INVS: variants seen among roughly 807,000 people sequenced by gnomAD.
INVS encodes the protein inversin, also known as inversion of embryo turning homolog.
In INVS, 86 loss-of-function variants were observed where a neutral mutation model predicts 108.8. The ratio of observed to expected loss-of-function variants is 0.79; its 90% confidence interval spans 0.66 to 0.95. INVS has a LOEUF of 0.95. INVS is among the 40% of genes least tolerant of loss of function. The probability of loss-of-function intolerance (pLI) is 0.00; values close to 1 mark genes in which losing one functional copy is unlikely to be tolerated. For missense variants in INVS, 1,169 were observed against 1,297.4 expected (o/e 0.90, Z 1.52); for synonymous variants, 455 against 473.5 (o/e 0.96, Z 0.51).
chr9:100,142,052 G>A (rs1197070897), intron 3 of INVS, among the ~76,000 whole-genome samples: 1 of 152,210 alleles, frequency 6.6e-6, no homozygotes, highest in Non-Finnish European at 1.5e-5. Flanking sequence ...TGCTTGTCTA[G>A]CCACCTAATC....
In INVS at chr9:100,171,471, C is replaced by T. The variant is rs190021737; in HGVS notation, c.273+44922C>T. On this transcript the variant is annotated intron_variant, in intron 3 of 16. Coordinates refer to ENST00000262457, the MANE Select transcript of INVS (RefSeq NM_014425.5). The stretch of plus-strand genomic sequence containing the variant: ...TGATACATTTTGCAGAACATATTCC[C>T]ATTGTTAAGCAACATATGACTATAG... Among the ~76,000 whole-genome samples the T allele has an allele frequency of 1.3e-3, 202 of 152,172 alleles. 1 individual carries two copies. The highest frequency in any genetic ancestry group is 9.6e-4 in the Non-Finnish European group (65 of 68,000).
At chr9:100,227,941 T>TA (rs1564166667) in intron 4 of INVS, among the ~76,000 whole-genome samples, 3 of 152,094 alleles carry the variant, frequency 2.0e-5, no homozygotes, top group African/African-American at 7.2e-5. Flanking sequence ...TACACATAGT[T>TA]TAGCAATGCC....
intron 3 of INVS, among the ~76,000 whole-genome samples, chr9:100,173,944 T>A (rs1375359040): frequency 2.0e-5 from 3 of 152,140 alleles, no homozygotes; most frequent in Non-Finnish European, 4.4e-5. Context: ...TAATTTAGAG[T>A]TTGGGTTCAG....
chr9:100,121,030 C>T (rs909394046), intron 2 of INVS: 1 of 152,168 alleles, frequency 6.6e-6, no homozygotes, highest in African/African-American at 2.4e-5. Context: ...AAAACCTAAA[C>T]TCCAACAAAT....
chr9:100,263,908 ACTGCTCTTTTGT>A, intron 10 of INVS, among the ~76,000 whole-genome samples: 1 of 152,242 alleles, frequency 6.6e-6, no homozygotes, highest in Admixed American at 6.5e-5. Flanking sequence ...ATATATCTTT[ACTGCTCTTTTGT>A]CTGCTCTATC....
At chr9:100,176,806 T>C (rs1415158935) in intron 3 of INVS, among the ~76,000 whole-genome samples, 1 of 152,028 alleles carries the variant, frequency 6.6e-6, no homozygotes, top group Non-Finnish European at 1.5e-5. Context: ...ATTATTAAGG[T>C]GAAGGATTAA....
intron 3 of INVS, among the ~76,000 whole-genome samples, chr9:100,133,734 C>T (rs144278055): frequency 3.8e-4 from 56 of 146,694 alleles, no homozygotes; most frequent in African/African-American, 1.4e-3. Flanking sequence ...CATTCACTCT[C>T]GCAAACTATC....
intron 3 of INVS, among the ~76,000 whole-genome samples, chr9:100,164,324 C>A (rs915902994): frequency 6.6e-6 from 1 of 151,896 alleles, no homozygotes; most frequent in African/African-American, 2.4e-5. Flanking sequence ...CTCTAGTCAC[C>A]GTGTTGTAGC....
intron 14 of INVS, among the ~76,000 whole-genome samples, chr9:100,294,823 A>AT (rs1833740635): frequency 6.6e-6 from 1 of 152,194 alleles, no homozygotes; most frequent in Non-Finnish European, 1.5e-5. Context: ...ACATACTAGT[A>AT]TTATTTATTG....
intron 3 of INVS, among the ~76,000 whole-genome samples, chr9:100,140,154 TA>T (rs897370663): frequency 6.6e-6 from 1 of 152,208 alleles, no homozygotes; most frequent in South Asian, 2.1e-4. Flanking sequence ...ATATTTCATG[TA>T]AAAAGGAATC....
At chr9:100,285,717 T>A (rs550363800) in intron 13 of INVS, among the ~76,000 whole-genome samples, 51 of 152,326 alleles carry the variant, frequency 3.3e-4, no homozygotes, top group African/African-American at 1.2e-3. Flanking sequence ...AGTCAGACAA[T>A]CTTTTGTTGA....
intron 3 of INVS, chr9:100,175,433 C>A: frequency 1.1e-6 from 1 of 909,776 alleles, no homozygotes; most frequent in East Asian, 2.5e-5. Flanking sequence ...AACAGATGAC[C>A]AGAACTGTGT....
chr9:100,224,308 A>G (rs1831238378), intron 3 of INVS, among the ~76,000 whole-genome samples: 1 of 152,188 alleles, frequency 6.6e-6, no homozygotes, highest in Non-Finnish European at 1.5e-5. Flanking sequence ...AAGGTTAAGG[A>G]TGACAAATGG....
intron 10 of INVS, among the ~76,000 whole-genome samples, chr9:100,258,134 T>C (rs1284793930): frequency 1.3e-5 from 2 of 152,082 alleles, no homozygotes; most frequent in African/African-American, 4.8e-5. Context: ...TCTAAACTTC[T>C]CACTTCATTT....
At chr9:100,135,956 G>A (rs1346694367) in intron 3 of INVS, among the ~76,000 whole-genome samples, 1 of 151,966 alleles carries the variant, frequency 6.6e-6, no homozygotes, top group Non-Finnish European at 1.5e-5. Context: ...CTAGATCAGA[G>A]TGGTGTTATG....
chr9:100,261,225 G>A (rs1440366375), intron 10 of INVS, among the ~76,000 whole-genome samples: 1 of 149,892 alleles, frequency 6.7e-6, no homozygotes, highest in Non-Finnish European at 1.5e-5. Flanking sequence ...AGAAAAGTAT[G>A]TAAAATATGG....
At chr9:100,294,309 C>T (rs1409820418) in intron 14 of INVS, among the ~76,000 whole-genome samples, 2 of 152,166 alleles carry the variant, frequency 1.3e-5, no homozygotes, top group Non-Finnish European at 2.9e-5. Flanking sequence ...GGAAGACGTT[C>T]TCTCCTTAAC....
At chr9:100,125,811 G>A (rs1187759858) in intron 2 of INVS, among the ~76,000 whole-genome samples, 1 of 150,414 alleles carries the variant, frequency 6.6e-6, no homozygotes, top group Non-Finnish European at 1.5e-5. Context: ...TCAACCTCCC[G>A]AGTAGCTGGG....
At chr9:100,113,454 G>T (rs1281207248) in intron 2 of INVS, among the ~76,000 whole-genome samples, 1 of 152,178 alleles carries the variant, frequency 6.6e-6, no homozygotes, top group East Asian at 1.9e-4. Flanking sequence ...AAGTCTTTCT[G>T]GGTTCCAGCG....
Sources: allele counts gnomAD v4.1 joint callset (sites outside exome capture counted in the v4.1 genomes callset), GRCh38; gene constraint gnomAD v4.1.1; transcripts MANE v1.5; gene names NCBI Gene and HGNC (gene_info 2026-07-23, HGNC 2026-07-21).